FLCN: variants seen among roughly 807,000 people sequenced by gnomAD.
The protein encoded by FLCN is folliculin.
In FLCN, 22 loss-of-function variants were observed where a neutral mutation model predicts 62.5. The observed-to-expected ratio is 0.35, with a 90% CI of 0.25 to 0.50. The LOEUF (loss-of-function observed/expected upper bound fraction) is 0.50. FLCN is among the 20% of genes least tolerant of loss of function. The pLI, the probability that FLCN is intolerant of heterozygous loss-of-function variation, is 0.97. For missense variants in FLCN, 657 were observed against 778.0 expected (o/e 0.84, Z 1.85); for synonymous variants, 319 against 310.0 (o/e 1.03, Z -0.30).
At chr17:17,223,700 A>T (rs1219384126) in intron 6 of FLCN, among the ~76,000 whole-genome samples, 1 of 152,272 alleles carries the variant, frequency 6.6e-6, no homozygotes, top group Admixed American at 6.5e-5. Context: ...CTGAGCGAGA[A>T]CCAGGACAAC....
chr17:17,213,516 C>T lies in FLCN; in HGVS notation c.*139G>A. 2 of 1,206,940 alleles carry T rather than the reference C, an allele frequency of 1.7e-6. No homozygotes were observed. The highest frequency in any genetic ancestry group is 2.4e-6 in the Non-Finnish European group (2 of 835,042). 74.8% of individuals were successfully genotyped at this position (1,206,940 alleles called of 1,614,324 possible). A position where few individuals can be genotyped will look rare whatever the true frequency, so the allele number is the denominator to read the frequency against. ...AGGCCCCAAACCTGACAGGGCCGAGCCCAGCCCTGATGGTTTCCCTTCCTT... is the reference window on the plus strand; with the variant it reads ...AGGCCCCAAACCTGACAGGGCCGAGTCCAGCCCTGATGGTTTCCCTTCCTT... On this transcript the variant is annotated 3_prime_UTR_variant, in exon 14 of 14. Coordinates refer to ENST00000285071, the MANE Select transcript of FLCN (RefSeq NM_144997.7).
chr17:17,222,584 C>A lies in FLCN; in HGVS notation c.696G>T (p.Gln232His), dbSNP rs780010668. 1 of 1,614,254 alleles carries A rather than the reference C, an allele frequency of 6.2e-7. No individual in the cohort carries two copies. Among genetic ancestry groups the A allele is most frequent in the Non-Finnish European group, 8.5e-7 (1 of 1,180,042 alleles). The change falls in exon 7 of 14, where the codon CAG becomes CAT. Residue 232 changes from glutamine (Q) to histidine (H), a missense_variant. Coordinates refer to ENST00000285071, the MANE Select transcript of FLCN (RefSeq NM_144997.7). The part of the protein sequence containing the change: ...MNTAFTPFLH[Q>H]RNGNAARSLT... ...GCGAGCGGGCGGCGTTGCCGTTCCT[C>A]TGGTGTAGGAATGGCGTGAAGGCTG...
intron 13 of FLCN, among the ~76,000 whole-genome samples, 163 bp from the exon 14 acceptor site, chr17:17,214,019 G>GAA (rs1046649734): frequency 3.9e-5 from 6 of 152,144 alleles, no homozygotes; most frequent in Admixed American, 1.3e-4. Flanking sequence ...CTGAACTGCT[G>GAA]AAAGGAGCTG....
chr17:17,216,952 G>C lies in FLCN; in HGVS notation c.1176+117C>G, dbSNP rs1008150169. ...GCCCACTGCGCCCCCAGTGGAGACCGTGTGGTGCACAGCGGTTCTGTGCTG... is the reference window on the plus strand; with the variant it reads ...GCCCACTGCGCCCCCAGTGGAGACCCTGTGGTGCACAGCGGTTCTGTGCTG... On this transcript the variant is annotated intron_variant, in intron 10 of 13. Transcript: ENST00000285071. This position sits in a 1 kb window ranked among gnomAD's most constrained non-coding sequence, Gnocchi z 4.0. 2.5e-6 allele frequency: 2 copies of C among 787,948 alleles called. No individual in the cohort carries two copies. The highest frequency in any genetic ancestry group is 5.2e-5 in the East Asian group (2 of 38,428). The allele number at this position is 787,948 out of a possible 1,614,324, so 48.8% of individuals were successfully genotyped here.
At chr17:17,228,442 C>G in intron 3 of FLCN, 1 of 423,684 alleles carries the variant, frequency 2.4e-6, no homozygotes, top group Non-Finnish European at 4.4e-6. Flanking sequence ...ACAAAGCCAA[C>G]GGCGCTGGAA....
chr17:17,214,836 G>C, intron 13 of FLCN, 149 bp downstream of exon 13: 2 of 811,902 alleles, frequency 2.5e-6, no homozygotes, highest in East Asian at 5.3e-5. Flanking sequence ...CCTGAGCTTT[G>C]CAGTGGCGGA....
Position 17,228,055 on chromosome 17 carries a change from G to T in FLCN, c.83C>A (p.Pro28Gln). 6.2e-7 allele frequency: 1 copy of T among 1,613,768 alleles called. No individual in the cohort carries two copies. The highest frequency in any genetic ancestry group is 8.5e-7 in the Non-Finnish European group (1 of 1,180,032). ...CTCATTCCCATCCCCTTGAGGAAGT[G>T]GGGCGTGCAGCACCTCCGTGCAGAA... ...TLFCTEVLHA[P>Q]LPQGDGNEDS... The change falls in exon 4 of 14, where the codon CCA becomes CAA. Residue 28 changes from proline (P) to glutamine (Q), a missense_variant. By Grantham distance (76) the Pro-to-Gln change is moderately conservative. Coordinates refer to ENST00000285071, the MANE Select transcript of FLCN (RefSeq NM_144997.7).
rs777203555 is a variant in FLCN, at chr17:17,213,604, G to A, written c.*51C>T. 9 of 1,610,598 alleles carry A rather than the reference G, an allele frequency of 5.6e-6. No homozygotes were observed. In the South Asian group the frequency reaches 8.8e-5, roughly 16 times the overall value. On this transcript the variant is annotated 3_prime_UTR_variant, in exon 14 of 14. Transcript: ENST00000285071. ...AGGGACAGTCCCTCTCACGGGGCTG[G>A]AGGATCCTGTGGACAGCCATCCCTG... is the stretch of plus-strand genomic sequence containing the variant.
In FLCN at chr17:17,213,106, G is replaced by A. The variant is rs1290259260; in HGVS notation, c.*549C>T. ...CACATTTCAGAGGACCAAAAGATGA[G>A]GAAGAGATCCACTTCACTCCCCAAA... On this transcript the variant is annotated 3_prime_UTR_variant, in exon 14 of 14. Coordinates refer to ENST00000285071, the MANE Select transcript of FLCN (RefSeq NM_144997.7). 3.7e-6 allele frequency: 1 copy of A among 267,898 alleles called. No homozygotes were observed. Among genetic ancestry groups the A allele is most frequent in the East Asian group, 5.2e-5 (1 of 19,106 alleles). 16.6% of individuals were successfully genotyped at this position (267,898 alleles called of 1,614,324 possible). A position where few individuals can be genotyped will look rare whatever the true frequency, so the allele number is the denominator to read the frequency against.
intron 13 of FLCN, 74 bp from the exon 14 acceptor site, chr17:17,213,930 G>T: frequency 2.0e-6 from 3 of 1,519,338 alleles, no homozygotes; most frequent in South Asian, 1.1e-5. Flanking sequence ...GGCCAACCAG[G>T]GGTGACACGG....
Position 17,216,139 on chromosome 17 carries a change from C to G in FLCN, c.1300+241G>C, listed in dbSNP as rs1362227137. 6.6e-6 allele frequency among the ~76,000 whole-genome samples: 1 copy of G among 152,184 alleles called. No individual in the cohort carries two copies. Among genetic ancestry groups the G allele is most frequent in the Non-Finnish European group, 1.5e-5 (1 of 68,020 alleles). ...CGGCCAGGGACACATCCTCCCACCCCACGATGGTGACCTGCAGCCCACTGA... is the reference window on the plus strand; with the variant it reads ...CGGCCAGGGACACATCCTCCCACCCGACGATGGTGACCTGCAGCCCACTGA... On this transcript the variant is annotated intron_variant, in intron 11 of 13. Coordinates refer to ENST00000285071, the MANE Select transcript of FLCN (RefSeq NM_144997.7). The surrounding 1 kb of genome is among the most constrained non-coding windows in gnomAD (Gnocchi z 4.0).
intron 3 of FLCN, chr17:17,229,580 T>C (rs1459805578): frequency 6.6e-6 from 1 of 152,214 alleles, no homozygotes; most frequent in African/African-American, 2.4e-5. Flanking sequence ...AGACGGAAGG[T>C]GGCGATGGCC....
intron 13 of FLCN, 65 bp from the exon 14 acceptor site, chr17:17,213,921 G>C: frequency 6.4e-7 from 1 of 1,558,898 alleles, no homozygotes; most frequent in Non-Finnish European, 8.8e-7. Context: ...TGGTCACGGG[G>C]CCAACCAGGG....
At chr17:17,235,109 C>T (rs1227533381) in intron 1 of FLCN, among the ~76,000 whole-genome samples, 4 of 70,618 alleles carry the variant, frequency 5.7e-5, no homozygotes, top group Admixed American at 1.6e-4. Flanking sequence ...GACTCCATTT[C>T]AAAAAAAAAA....
chr17:17,231,774 C>G lies in FLCN; in HGVS notation c.-25+20G>C, dbSNP rs2034722177. On this transcript the variant is annotated intron_variant, in intron 3 of 13. Coordinates refer to ENST00000285071, the MANE Select transcript of FLCN (RefSeq NM_144997.7). ...TGCCTGGAACTGCTTCTTCAGCATG[C>G]CTGCGAATGCACCACCCACCTGACG... 6.6e-6 allele frequency: 1 copy of G among 152,354 alleles called. No individual in the cohort carries two copies. The highest frequency in any genetic ancestry group is 2.4e-5 in the African/African-American group (1 of 41,466). The allele number at this position is 152,354 out of a possible 1,614,324, so 9.4% of individuals were successfully genotyped here. A position where few individuals can be genotyped will look rare whatever the true frequency, so the allele number is the denominator to read the frequency against.
chr17:17,214,430 C>T (rs1054440847), intron 13 of FLCN, among the ~76,000 whole-genome samples: 2 of 152,064 alleles, frequency 1.3e-5, no homozygotes, highest in Non-Finnish European at 2.9e-5. Flanking sequence ...CCTGTCTCTA[C>T]TAAAAATACA....
intron 8 of FLCN, 84 bp from the exon 9 acceptor site, chr17:17,219,293 C>A: frequency 8.0e-7 from 1 of 1,244,602 alleles, no homozygotes; most frequent in African/African-American, 1.6e-5. Context: ...TGGGCTGAGC[C>A]GGTCAGTGTA....
chr17:17,225,694 G>A (rs143073909), intron 5 of FLCN: 283 of 231,298 alleles, frequency 1.2e-3, no homozygotes, highest in African/African-American at 5.9e-3. Context: ...CTGGGCAACC[G>A]AGTGAGACTC....
At chr17:17,218,270 C>A (rs1192623659) in intron 9 of FLCN, among the ~76,000 whole-genome samples, 1 of 152,236 alleles carries the variant, frequency 6.6e-6, no homozygotes, top group African/African-American at 2.4e-5. Flanking sequence ...ACCCTGAACA[C>A]ACAGTGCCTG....
Sources: gnomAD v4.1 joint callset for allele counts (sites outside exome capture counted in the v4.1 genomes callset) on GRCh38, gnomAD v4.1.1 for gene constraint, Gnocchi (gnomAD v3.1) non-coding constraint, MANE v1.5 for transcripts, NCBI Gene and HGNC (gene_info 2026-07-23, HGNC 2026-07-21) for gene names.